Variants in ST6GAL1 observed in about 807,000 individuals in gnomAD.
ST6GAL1 encodes the protein beta-galactoside alpha-2,6-sialyltransferase 1.
ST6GAL1 carries 20 observed loss-of-function variants against 38.0 expected under a neutral mutation model. The ratio of observed to expected loss-of-function variants is 0.53; its 90% confidence interval spans 0.37 to 0.77. ST6GAL1 has a LOEUF of 0.77. Among genes scored for constraint, ST6GAL1 ranks in the 30% least tolerant of loss-of-function variants. The pLI is 0.00. For missense variants in ST6GAL1, 432 were observed against 496.4 expected (o/e 0.87, Z 1.23); for synonymous variants, 196 against 188.2 (o/e 1.04, Z -0.34).
rs1036450960 is a variant in ST6GAL1, at chr3:186,932,139, C to T, written c.-325+1305C>T. On this transcript the variant is annotated intron_variant, in intron 1 of 7. Transcript: ENST00000169298. Reference sequence around the variant, plus strand: ...CTAGTGTGGCTGAAGATTAACCTGTCCCCGGGGGGGGAACTGGAGAGCCTC... The same window carrying T: ...CTAGTGTGGCTGAAGATTAACCTGTTCCCGGGGGGGGAACTGGAGAGCCTC... 3.6e-4 allele frequency among the ~76,000 whole-genome samples: 34 copies of T among 94,446 alleles called. No homozygotes were observed. In the East Asian group the frequency reaches 5.1e-3, roughly 14 times the overall value. 62.0% of individuals were successfully genotyped at this position (94,446 alleles called of 152,430 possible).
intron 2 of ST6GAL1, chr3:187,025,365 A>G (rs1032888144): frequency 6.6e-6 from 1 of 152,298 alleles, no homozygotes; most frequent in Non-Finnish European, 1.5e-5. Context: ...TCTCTGTAGC[A>G]TAGGGGTGTG....
rs556190775 is a variant in ST6GAL1 at position 187,005,389 on chromosome 3, C to T, written c.-182-33353C>T. 4.5e-4 allele frequency among the ~76,000 whole-genome samples: 68 copies of T among 150,634 alleles called. 4 individuals carry two copies. In the South Asian group the frequency reaches 0.012, roughly 26 times the overall value. The stretch of plus-strand genomic sequence containing the variant: ...CTCCCGGGTTCATGCCATTCTCTTG[C>T]CTCAGCCTCCCCGGTAGCTGGGACT... On this transcript the variant is annotated intron_variant, in intron 2 of 7. Coordinates refer to ENST00000169298, the MANE Select transcript of ST6GAL1 (RefSeq NM_173216.2).
At chr3:186,934,175 G>A (rs918753099) in intron 1 of ST6GAL1, among the ~76,000 whole-genome samples, 3 of 152,194 alleles carry the variant, frequency 2.0e-5, no homozygotes, top group African/African-American at 4.8e-5. Context: ...CTGTTCCAGC[G>A]GAGCGGAAGA....
At chr3:186,992,432 G>A (rs889890416) in intron 2 of ST6GAL1, among the ~76,000 whole-genome samples, 6 of 152,012 alleles carry the variant, frequency 3.9e-5, no homozygotes, top group African/African-American at 1.2e-4. Context: ...CCCAGTCTCC[G>A]GCAGTTCTCA....
At chr3:186,973,553 T>A (rs1447469480) in intron 2 of ST6GAL1, among the ~76,000 whole-genome samples, 3 of 152,208 alleles carry the variant, frequency 2.0e-5, no homozygotes, top group Non-Finnish European at 4.4e-5. Context: ...CAGGGGTGTC[T>A]GGGAAAGAGA....
intron 2 of ST6GAL1, among the ~76,000 whole-genome samples, chr3:187,004,111 C>G (rs993059450): frequency 3.3e-5 from 5 of 152,168 alleles, no homozygotes; most frequent in African/African-American, 1.2e-4. Context: ...TGTGTAGCAC[C>G]TTCCCCACCA....
intron 2 of ST6GAL1, among the ~76,000 whole-genome samples, chr3:187,001,946 A>G (rs539443033): frequency 4.7e-5 from 6 of 127,544 alleles, no homozygotes; most frequent in Non-Finnish European, 8.4e-5. Context: ...ACAGAGTGAG[A>G]CTTTGTCTCA....
At chr3:186,944,388 A>G (rs535784076) in intron 1 of ST6GAL1, among the ~76,000 whole-genome samples, 1 of 152,320 alleles carries the variant, frequency 6.6e-6, no homozygotes, top group African/African-American at 2.4e-5. Context: ...TTATTGTCTC[A>G]CTTAATGGTG....
intron 2 of ST6GAL1, among the ~76,000 whole-genome samples, chr3:187,009,952 C>G (rs1315984295): frequency 1.3e-5 from 2 of 152,088 alleles, no homozygotes; most frequent in South Asian, 2.1e-4. Context: ...TTGCGGTGAG[C>G]CGAGATCACG....
intron 2 of ST6GAL1, among the ~76,000 whole-genome samples, chr3:186,997,131 G>T (rs1192173725): frequency 2.0e-5 from 3 of 152,002 alleles, no homozygotes; most frequent in Non-Finnish European, 2.9e-5. Flanking sequence ...TAATATGGGA[G>T]GCATGGACTA....
chr3:186,966,749 G>A (rs950559519), intron 2 of ST6GAL1, among the ~76,000 whole-genome samples: 3 of 152,158 alleles, frequency 2.0e-5, no homozygotes, highest in Non-Finnish European at 4.4e-5. Context: ...GCCCCAGGAG[G>A]TGAGGCCCAG....
At chr3:187,026,996 C>T (rs1278151225) in intron 2 of ST6GAL1, among the ~76,000 whole-genome samples, 1 of 151,640 alleles carries the variant, frequency 6.6e-6, no homozygotes. Context: ...TTGCAGTGAG[C>T]CGAGATCTCA....
chr3:187,025,011 GTGTGTGTGTC>G (rs1381577543), intron 2 of ST6GAL1, among the ~76,000 whole-genome samples: 4 of 151,084 alleles, frequency 2.6e-5, no homozygotes, highest in Admixed American at 2.6e-4. Context: ...GTGTGTGTGT[GTGTGTGTGTC>G]TGTGTGTGTG....
intron 1 of ST6GAL1, among the ~76,000 whole-genome samples, chr3:186,956,364 G>A (rs1214348852): frequency 6.6e-6 from 1 of 152,110 alleles, no homozygotes; most frequent in Non-Finnish European, 1.5e-5. Context: ...TAAAATGTTT[G>A]TGTTTGTTTT....
At chr3:186,967,683 G>GGGCACTCAGAAC (rs1715196033) in intron 2 of ST6GAL1, among the ~76,000 whole-genome samples, 1 of 152,214 alleles carries the variant, frequency 6.6e-6, no homozygotes, top group Non-Finnish European at 1.5e-5. Flanking sequence ...TGGCTCAGCA[G>GGGCACTCAGAAC]GGCACTCAGA....
intron 1 of ST6GAL1, among the ~76,000 whole-genome samples, chr3:186,931,717 T>C (rs997858843): frequency 1.3e-5 from 2 of 152,236 alleles, no homozygotes; most frequent in Non-Finnish European, 2.9e-5. Flanking sequence ...GCGGTCTTGC[T>C]CTTTGCCTCT....
chr3:187,003,044 G>C (rs1019289838), intron 2 of ST6GAL1, among the ~76,000 whole-genome samples: 1 of 152,198 alleles, frequency 6.6e-6, no homozygotes, highest in Non-Finnish European at 1.5e-5. Flanking sequence ...AGCAGCAATG[G>C]TGCAGTTCCA....
At chr3:186,960,778 T>A (rs1201945242) in intron 1 of ST6GAL1, among the ~76,000 whole-genome samples, 6 of 151,988 alleles carry the variant, frequency 3.9e-5, no homozygotes, top group Admixed American at 2.0e-4. Flanking sequence ...TTTTTTTAAA[T>A]TTTTTAAATC....
chr3:187,026,353 C>T (rs1158221822), intron 2 of ST6GAL1, among the ~76,000 whole-genome samples: 1 of 152,170 alleles, frequency 6.6e-6, no homozygotes, highest in Non-Finnish European at 1.5e-5. Context: ...ATGGTGATAA[C>T]AGTGCTCGCC....
Sources: allele counts gnomAD v4.1 joint callset (sites outside exome capture counted in the v4.1 genomes callset), GRCh38; gene constraint gnomAD v4.1.1; transcripts MANE v1.5; gene names NCBI Gene and HGNC (gene_info 2026-07-23, HGNC 2026-07-21).